Variants in PDE1C observed in about 807,000 individuals in gnomAD.
PDE1C encodes the protein phosphodiesterase 1C.
Under a neutral mutation model 93.1 loss-of-function variants are expected in PDE1C, and 62 were observed. The observed-to-expected ratio is 0.67, with a 90% CI of 0.54 to 0.82. The LOEUF is 0.82. PDE1C is among the 40% of genes least tolerant of loss of function. PDE1C has a pLI of 0.00. For missense variants in PDE1C, 742 were observed against 884.6 expected (o/e 0.84, Z 2.04); for synonymous variants, 325 against 310.1 (o/e 1.05, Z -0.50).
the PDE1C span, among the ~76,000 whole-genome samples, chr7:31,740,450 C>A: frequency 6.6e-6 from 1 of 152,168 alleles, no homozygotes; most frequent in Non-Finnish European, 1.5e-5. Flanking sequence ...TGAGAAAGTG[C>A]ATGATTCAAA....
intron 6 of PDE1C, among the ~76,000 whole-genome samples, chr7:31,870,055 A>G (rs1358822808): frequency 6.6e-6 from 1 of 152,038 alleles, no homozygotes; most frequent in Non-Finnish European, 1.5e-5. Flanking sequence ...AATATTTTTA[A>G]GGCAAATGAA....
At chr7:31,910,300 T>C (rs771703748) in intron 2 of PDE1C, among the ~76,000 whole-genome samples, 1 of 152,156 alleles carries the variant, frequency 6.6e-6, no homozygotes, top group Admixed American at 6.5e-5. Flanking sequence ...TTCCAACTGC[T>C]TGCCAGGTCC....
At chr7:32,177,343 T>A (rs1803069510) in intron 2 of PDE1C, among the ~76,000 whole-genome samples, 1 of 152,176 alleles carries the variant, frequency 6.6e-6, no homozygotes, top group African/African-American at 2.4e-5. Context: ...CAAGTCGTCA[T>A]CCCGTGGGTG....
rs188975857 is a variant in PDE1C, at chr7:32,152,362, A to C, written c.308+17423T>G. Among the ~76,000 whole-genome samples the C allele has an allele frequency of 2.0e-5, 3 of 152,350 alleles. No homozygotes were observed. The East Asian group carries it at 5.8e-4, about 29-fold the overall frequency. On this transcript the variant is annotated intron_variant, in intron 3 of 18. Coordinates refer to the PDE1C transcript ENST00000396193. ...CAGGAGCAGAAAAGACAGTGACTAC[A>C]GTCCTCACATGAGCAGTGTGTCAGC...
intron 2 of PDE1C, among the ~76,000 whole-genome samples, chr7:32,021,328 C>T (rs1788641226): frequency 6.6e-6 from 1 of 152,092 alleles, no homozygotes; most frequent in Admixed American, 6.6e-5. Context: ...GAACTTCTGA[C>T]AGCTTTGTAA....
At chr7:32,115,865 A>C (rs1798958627) in intron 3 of PDE1C, among the ~76,000 whole-genome samples, 6 of 152,318 alleles carry the variant, frequency 3.9e-5, no homozygotes, top group Middle Eastern at 3.4e-3. Flanking sequence ...ATCAGAGGCA[A>C]GAATTCTACC....
At chr7:32,266,984 G>A (rs1238656019) in intron 1 of PDE1C, among the ~76,000 whole-genome samples, 5 of 152,188 alleles carry the variant, frequency 3.3e-5, no homozygotes, top group Non-Finnish European at 5.9e-5. Context: ...TAGACCACCC[G>A]GCATTCTCAC....
At chr7:32,390,701 G>A (rs1194638798) in intron 1 of PDE1C, among the ~76,000 whole-genome samples, 2 of 151,922 alleles carry the variant, frequency 1.3e-5, no homozygotes, top group African/African-American at 4.8e-5. Flanking sequence ...ACAAAAATTA[G>A]CCCTGCATGG....
rs967181760 is a variant in PDE1C, at chr7:31,966,633, T to C, written c.128+84921A>G. Among the ~76,000 whole-genome samples the C allele has an allele frequency of 2.0e-3, 310 of 152,252 alleles. 1 individual carries two copies. The highest frequency in any genetic ancestry group is 7.2e-3 in the African/African-American group (301 of 41,568). ...CCTAATAGACATCTACAGAACTCTC[T>C]ACCCTAAATCAACAGAGTATACATT... is the stretch of plus-strand genomic sequence containing the variant. On this transcript the variant is annotated intron_variant, in intron 2 of 17. Transcript: ENST00000396191.
intron 2 of PDE1C, among the ~76,000 whole-genome samples, chr7:31,898,999 AAAG>A (rs1464698658): frequency 6.6e-6 from 1 of 152,084 alleles, no homozygotes; most frequent in African/African-American, 2.4e-5. Context: ...ATAAAAGAGT[AAAG>A]AAGTTACCTG....
At chr7:32,050,333 G>T (rs1356475357) in intron 2 of PDE1C, among the ~76,000 whole-genome samples, 1 of 152,266 alleles carries the variant, frequency 6.6e-6, no homozygotes, top group East Asian at 1.9e-4. Flanking sequence ...TCCCAACTTT[G>T]ATGGAGAGTC....
intron 3 of PDE1C, among the ~76,000 whole-genome samples, chr7:32,120,927 T>C (rs1799266949): frequency 2.6e-5 from 4 of 151,982 alleles, no homozygotes; most frequent in African/African-American, 9.7e-5. Flanking sequence ...AATAAAAAAC[T>C]CCACTGAGCT....
Position 31,837,905 on chromosome 7 carries a change from G to C in PDE1C, c.1047C>G (p.Ile349Met), listed in dbSNP as rs774945101. Residue 349 changes from isoleucine to methionine, a missense_variant, in exon 10 of 18, where the codon ATC (isoleucine) becomes ATG (methionine). Ile to Met is a conservative substitution (Grantham distance 10, BLOSUM62 1). Coordinates refer to ENST00000396191, the MANE Select transcript of PDE1C (RefSeq NM_001191057.4). ...ATDMSCHFQQ[I>M]KAMKTALQQP... is the part of the protein sequence containing the mutation. ...GCTGCAGAGCAGTCTTCATTGCTTT[G>C]ATTTGTTGGAAGTGACAAGACATAT... 40 of 1,613,606 alleles carry C rather than the reference G, an allele frequency of 2.5e-5. No individual in the cohort carries two copies. The highest frequency in any genetic ancestry group is 3.3e-5 in the Non-Finnish European group (39 of 1,179,676).
chr7:31,743,331 C>T, the PDE1C span, among the ~76,000 whole-genome samples: 4 of 152,230 alleles, frequency 2.6e-5, no homozygotes, highest in South Asian at 4.1e-4. Context: ...GGGCCTTCTT[C>T]GGATCAAAAG....
chr7:31,703,371 A>C, the PDE1C span, among the ~76,000 whole-genome samples: 1 of 152,186 alleles, frequency 6.6e-6, no homozygotes, highest in African/African-American at 2.4e-5. Flanking sequence ...CAATATCTAC[A>C]TCCTAAGAGA....
intron 1 of PDE1C, among the ~76,000 whole-genome samples, chr7:32,224,813 A>C (rs748426814): frequency 3.9e-5 from 6 of 152,126 alleles, no homozygotes; most frequent in Non-Finnish European, 8.8e-5. Context: ...TTTTGCTATT[A>C]ACAAGGGAAA....
At chr7:32,337,637 G>C (rs1217077897) in intron 1 of PDE1C, among the ~76,000 whole-genome samples, 1 of 151,986 alleles carries the variant, frequency 6.6e-6, no homozygotes, top group East Asian at 1.9e-4. Context: ...CCAGCATCAG[G>C]GACGGAGATA....
At chr7:31,980,980 C>T (rs556151251) in intron 2 of PDE1C, among the ~76,000 whole-genome samples, 2 of 152,318 alleles carry the variant, frequency 1.3e-5, no homozygotes, top group East Asian at 3.9e-4. Flanking sequence ...AACTCAATCA[C>T]ACATGCAAAG....
chr7:31,649,523 A>G, the PDE1C span, among the ~76,000 whole-genome samples: 3 of 152,174 alleles, frequency 2.0e-5, no homozygotes, highest in African/African-American at 7.2e-5. Flanking sequence ...AGCTAGACAC[A>G]TGGATGCCTC....
Sources: gnomAD v4.1 joint callset for allele counts (sites outside exome capture counted in the v4.1 genomes callset) on GRCh38, gnomAD v4.1.1 for gene constraint, MANE v1.5 for transcripts, NCBI Gene and HGNC (gene_info 2026-07-23, HGNC 2026-07-21) for gene names.